CNTLN: variants seen among roughly 807,000 people sequenced by gnomAD.
CNTLN encodes centlein, centrosomal protein.
Under a neutral mutation model 180.0 loss-of-function variants are expected in CNTLN, and 212 were observed. That is an observed-to-expected ratio of 1.18 (90% CI 1.05 to 1.32). CNTLN has a LOEUF of 1.32. CNTLN is among the 40% of genes most tolerant of loss of function. The pLI is 0.00. For synonymous variants in CNTLN, 722 were observed against 563.1 expected (o/e 1.28, Z -3.99); for missense variants, 2,095 against 1,610.9 (o/e 1.30, Z -5.14).
At chr9:17,501,376 T>G (rs993448535) in intron 25 of CNTLN, among the ~76,000 whole-genome samples, 3 of 152,240 alleles carry the variant, frequency 2.0e-5, no homozygotes, top group African/African-American at 7.2e-5. Context: ...TGGTCTCTAT[T>G]TCTCTTTCAT....
rs185446802 is a variant in CNTLN, at chr9:17,309,234, T to C, written c.1323T>C (p.Asp441=). Residue 441 remains aspartate (D), a synonymous_variant, in exon 8 of 26, where the codon GAT becomes GAC. Transcript: ENST00000380647. ...GAPLPLPQES[D]PDYSAQVPHR... is the part of the protein sequence containing the mutation. ...CTCTTCCTTTACCTCAAGAAAGTGA[T>C]CCAGACTACTCAGCACAGGTGAGAG... 1,170 of 1,594,790 alleles carry C rather than the reference T, an allele frequency of 7.3e-4. 1 individual carries two copies. Among genetic ancestry groups the C allele is most frequent in the Middle Eastern group, 1.7e-3 (10 of 5,936 alleles).
chr9:17,406,813 G>T (rs1827428075), intron 15 of CNTLN, among the ~76,000 whole-genome samples: 1 of 151,698 alleles, frequency 6.6e-6, no homozygotes, highest in African/African-American at 2.4e-5. Flanking sequence ...ATAAAGAGAA[G>T]GAAGCACTCT....
chr9:17,293,252 C>T (rs1817527447), intron 6 of CNTLN, among the ~76,000 whole-genome samples: 1 of 152,224 alleles, frequency 6.6e-6, no homozygotes, highest in African/African-American at 2.4e-5. Context: ...AGTCTGGAGG[C>T]AGGGGTTCTG....
the CNTLN span, among the ~76,000 whole-genome samples, chr9:17,510,335 T>C: frequency 6.6e-6 from 1 of 152,232 alleles, no homozygotes; most frequent in Non-Finnish European, 1.5e-5. Flanking sequence ...AATACATTTA[T>C]CTGAGTATTT....
In CNTLN at chr9:17,466,716, T is replaced by C; in HGVS notation, c.3680T>C (p.Leu1227Pro). 1 of 1,608,362 alleles carries C rather than the reference T, an allele frequency of 6.2e-7. No individual in the cohort carries two copies. The highest frequency in any genetic ancestry group is 2.2e-5 in the East Asian group (1 of 44,612). Reference protein sequence around the residue: ...KEELEKKDLKLTLLVSRISET... With the variant: ...KEELEKKDLKPTLLVSRISET... ...GCTGATCTTTTGCAGGATCTCAAGC[T>C]TACTCTCCTAGTATCAAGAATAAGT... is the stretch of plus-strand genomic sequence containing the variant. The change falls in exon 23 of 26, where the codon CTT (leucine) becomes CCT (proline). Residue 1227 changes from leucine to proline, a missense_variant. Leu to Pro is a moderately conservative substitution (Grantham distance 98). Coordinates refer to ENST00000380647, the MANE Select transcript of CNTLN (RefSeq NM_017738.4).
chr9:17,308,162 C>T (rs1486741576), intron 7 of CNTLN, among the ~76,000 whole-genome samples: 1 of 152,026 alleles, frequency 6.6e-6, no homozygotes, highest in East Asian at 1.9e-4. Flanking sequence ...TGGAGGCATA[C>T]CATTGTTAAC....
intron 2 of CNTLN, among the ~76,000 whole-genome samples, chr9:17,198,738 T>C (rs1004797533): frequency 7.9e-5 from 12 of 151,602 alleles, no homozygotes; most frequent in Non-Finnish European, 1.5e-5. Context: ...GTCCACGTGT[T>C]CTCATTGTTC....
chr9:17,354,831 T>C (rs1266182539), intron 12 of CNTLN, among the ~76,000 whole-genome samples: 1 of 152,018 alleles, frequency 6.6e-6, no homozygotes, highest in Non-Finnish European at 1.5e-5. Flanking sequence ...TTGCAATAAA[T>C]CTTGCTATTG....
intron 5 of CNTLN, among the ~76,000 whole-genome samples, chr9:17,262,973 T>G (rs1456826818): frequency 6.6e-6 from 1 of 151,326 alleles, no homozygotes; most frequent in Non-Finnish European, 1.5e-5. Flanking sequence ...GATCATATGG[T>G]TTTGTTTTTA....
At chr9:17,290,936 A>C (rs1227916934) in intron 6 of CNTLN, among the ~76,000 whole-genome samples, 1 of 152,090 alleles carries the variant, frequency 6.6e-6, no homozygotes, top group Non-Finnish European at 1.5e-5. Flanking sequence ...GAAACCCGGT[A>C]CCTCAGATGG....
chr9:17,481,328 G>C (rs1195982681), intron 23 of CNTLN, among the ~76,000 whole-genome samples: 2 of 152,116 alleles, frequency 1.3e-5, no homozygotes, highest in Non-Finnish European at 2.9e-5. Context: ...AACAACTATG[G>C]GGCACAGCTG....
At chr9:17,494,814 C>T (rs1337071017) in intron 25 of CNTLN, 3 of 380,812 alleles carry the variant, frequency 7.9e-6, no homozygotes, top group Middle Eastern at 9.5e-4. Context: ...TTATGTACTG[C>T]ACATAATACT....
At chr9:17,212,498 A>G (rs1468037058) in intron 2 of CNTLN, among the ~76,000 whole-genome samples, 1 of 152,026 alleles carries the variant, frequency 6.6e-6, no homozygotes, top group Non-Finnish European at 1.5e-5. Context: ...CTCATCAGGG[A>G]TATTGGTCTA....
chr9:17,508,545 C>A (rs940962119), downstream of CNTLN, among the ~76,000 whole-genome samples: 2 of 152,132 alleles, frequency 1.3e-5, no homozygotes, highest in African/African-American at 4.8e-5. Flanking sequence ...AAAGACTATT[C>A]CTCATGTTAC....
the CNTLN span, among the ~76,000 whole-genome samples, chr9:17,525,256 A>C: frequency 6.6e-6 from 1 of 152,216 alleles, no homozygotes; most frequent in African/African-American, 2.4e-5. Flanking sequence ...AAAACCTTTC[A>C]GTCATTTTTG....
At chr9:17,199,332 C>A (rs961151929) in intron 2 of CNTLN, among the ~76,000 whole-genome samples, 1 of 151,800 alleles carries the variant, frequency 6.6e-6, no homozygotes, top group Middle Eastern at 3.4e-3. Context: ...CTGCCTCAGC[C>A]TCCTGAGTAG....
intron 7 of CNTLN, chr9:17,301,987 A>G: frequency 1.0e-6 from 1 of 973,170 alleles, no homozygotes; most frequent in Non-Finnish European, 1.2e-6. Flanking sequence ...TGTTGGTTAT[A>G]TATGTTATTT....
In CNTLN at chr9:17,226,184, C is replaced by A; in HGVS notation, c.450-19C>A. 7.4e-7 allele frequency: 1 copy of A among 1,349,136 alleles called. No individual in the cohort carries two copies. The allele number at this position is 1,349,136 out of a possible 1,614,324, so 83.6% of individuals were successfully genotyped here. On this transcript the variant is annotated intron_variant, in intron 2 of 25. Transcript: ENST00000380647. The stretch of plus-strand genomic sequence containing the variant: ...AGCTACCAGTTATGACTAATAAACT[C>A]TCTATATTTTATATCTAGAGAAAAA...
intron 23 of CNTLN, among the ~76,000 whole-genome samples, chr9:17,472,096 T>C (rs919698558): frequency 6.6e-6 from 1 of 152,148 alleles, no homozygotes; most frequent in Non-Finnish European, 1.5e-5. Context: ...TATTTTCTAA[T>C]AATCAATGCA....
Sources: allele counts gnomAD v4.1 joint callset (sites outside exome capture counted in the v4.1 genomes callset), GRCh38; gene constraint gnomAD v4.1.1; transcripts MANE v1.5; gene names NCBI Gene and HGNC (gene_info 2026-07-23, HGNC 2026-07-21).